The following RERE variants were observed in gnomAD, a reference collection of about 807,000 sequenced individuals.
RERE encodes the protein arginine-glutamic acid dipeptide repeats protein.
Under a neutral mutation model 146.1 loss-of-function variants are expected in RERE, and 40 were observed. That is an observed-to-expected ratio of 0.27 (90% CI 0.21 to 0.36). The LOEUF (loss-of-function observed/expected upper bound fraction) is 0.36, where lower values mean the gene tolerates loss of function less well. RERE is among the 10% of genes least tolerant of loss of function. RERE has a pLI of 1.00. For synonymous variants in RERE, 1,003 were observed against 866.0 expected, an observed-to-expected ratio of 1.16 and a Z score of -2.78; for missense variants, 1,933 against 2,138.7, an observed-to-expected ratio of 0.90 and a Z score of 1.90.
chr1:8,722,294 G>A (rs1033408613), intron 1 of RERE, among the ~76,000 whole-genome samples: 9 of 152,162 alleles, frequency 5.9e-5, no homozygotes, highest in African/African-American at 2.2e-4. Context: ...CAATGTTTCT[G>A]AAACTCAATT....
At position 8,424,949 on chromosome 1, in the gene RERE, G is replaced by A. The variant is rs1643988714; in HGVS notation, c.1204-2142C>T. 4 of 152,360 alleles carry A rather than the reference G, an allele frequency of 2.6e-5. No homozygotes were observed. In the South Asian group the frequency reaches 8.3e-4, roughly 32 times the overall value. 9.4% of individuals were successfully genotyped at this position (152,360 alleles called of 1,614,324 possible). A position where few individuals can be genotyped will look rare whatever the true frequency, so the allele number is the denominator to read the frequency against. ...TGCAGAATGGAGTGCCAGCAGATAA[G>A]ACGAAAGAGGCAGGCAAGGATCCGG... On this transcript the variant is annotated intron_variant, in intron 11 of 22. Transcript: ENST00000400908.
At chr1:8,413,086 T>C (rs895639650) in intron 12 of RERE, among the ~76,000 whole-genome samples, 2 of 152,228 alleles carry the variant, frequency 1.3e-5, no homozygotes, top group African/African-American at 4.8e-5. Flanking sequence ...ATGATTACAA[T>C]GTATTTCGAA....
chr1:8,782,506 A>G (rs1484862159), intron 1 of RERE, among the ~76,000 whole-genome samples: 2 of 152,012 alleles, frequency 1.3e-5, no homozygotes. Context: ...GGTATCTCCA[A>G]CCCAGGTTTC....
At chr1:8,469,191 TAC>T (rs1262216646) in intron 10 of RERE, among the ~76,000 whole-genome samples, 7 of 152,186 alleles carry the variant, frequency 4.6e-5, no homozygotes, top group Admixed American at 4.6e-4. Flanking sequence ...CTTTCCAGAT[TAC>T]AGAGTAGTCT....
At chr1:8,577,147 C>T (rs908977002) in intron 4 of RERE, among the ~76,000 whole-genome samples, 2 of 146,554 alleles carry the variant, frequency 1.4e-5, no homozygotes, top group African/African-American at 5.1e-5. Flanking sequence ...CCAGCCTGGG[C>T]GACAGAGAGA....
intron 4 of RERE, among the ~76,000 whole-genome samples, chr1:8,585,231 A>G (rs772220648): frequency 6.6e-6 from 1 of 152,190 alleles, no homozygotes; most frequent in Non-Finnish European, 1.5e-5. Context: ...TGTCTGAAAG[A>G]AAAGAGATAG....
chr1:8,730,185 G>A (rs1640051746), intron 1 of RERE, among the ~76,000 whole-genome samples: 1 of 152,146 alleles, frequency 6.6e-6, no homozygotes, highest in Non-Finnish European at 1.5e-5. Context: ...CAATACACAA[G>A]ATGAAATATA....
At chr1:8,651,342 C>T (rs923577837) in intron 2 of RERE, among the ~76,000 whole-genome samples, 1 of 151,912 alleles carries the variant, frequency 6.6e-6, no homozygotes, top group African/African-American at 2.4e-5. Context: ...CCCAGGAGTT[C>T]GAGGATGTGG....
chr1:8,570,045 A>G (rs533308307), intron 4 of RERE, among the ~76,000 whole-genome samples: 1 of 152,296 alleles, frequency 6.6e-6, no homozygotes, highest in African/African-American at 2.4e-5. Flanking sequence ...ATTTAAAAAT[A>G]AAAAAATTTC....
At chr1:8,632,113 T>G (rs1324083188) in intron 2 of RERE, among the ~76,000 whole-genome samples, 1 of 152,224 alleles carries the variant, frequency 6.6e-6, no homozygotes, top group Non-Finnish European at 1.5e-5. Context: ...AACTTAATGA[T>G]GAGAACTGAT....
In RERE at chr1:8,358,585, C is replaced by T. The variant is rs536097181; in HGVS notation, c.3950G>A (p.Arg1317Gln). Residue 1317 changes from arginine to glutamine, a missense_variant, in exon 20 of 23, where the codon CGG (arginine) becomes CAG (glutamine). Transcript: ENST00000400908. Reference protein sequence around the residue: ...REIREREIRERELRERMKPGF... With the variant: ...REIREREIREQELRERMKPGF... ...CGGCTTCATCCTCTCCCGCAGCTCC[C>T]GCTCTCGGATCTCCCGCTCTCGGAT... 1.6e-5 allele frequency: 26 copies of T among 1,602,280 alleles called. No homozygotes were observed. Among genetic ancestry groups the T allele is most frequent in the South Asian group, 4.5e-5 (4 of 89,080 alleles).
At chr1:8,390,402 T>C (rs1322432318) in intron 12 of RERE, among the ~76,000 whole-genome samples, 3 of 152,200 alleles carry the variant, frequency 2.0e-5, no homozygotes, top group African/African-American at 7.2e-5. Context: ...AGCTAGCTGC[T>C]CTTTTTGATC....
In RERE at chr1:8,390,983, T is replaced by A. The variant is rs116351015; in HGVS notation, c.1285-25009A>T. On this transcript the variant is annotated intron_variant, in intron 12 of 22. Coordinates refer to ENST00000400908, the MANE Select transcript of RERE (RefSeq NM_001042681.2). ...AAACTTTACTTCTCTCTGCCTCAAC[T>A]GCCACCACCCTCATCCAATCTCGGG... 7.1e-3 allele frequency among the ~76,000 whole-genome samples: 1,076 copies of A among 152,078 alleles called. 13 individuals are homozygous for A. Among genetic ancestry groups the A allele is most frequent in the African/African-American group, 0.025 (1,047 of 41,466 alleles).
intron 7 of RERE, among the ~76,000 whole-genome samples, chr1:8,518,402 T>C (rs985078910): frequency 1.1e-4 from 16 of 152,322 alleles, no homozygotes; most frequent in African/African-American, 3.8e-4. Context: ...GAAATCTCTC[T>C]CCCTGTCCTT....
intron 1 of RERE, among the ~76,000 whole-genome samples, chr1:8,694,470 T>C (rs185262094): frequency 7.5e-4 from 114 of 152,092 alleles, no homozygotes; most frequent in African/African-American, 2.7e-3. Context: ...CTAGAAGAAA[T>C]GACAGGTGGG....
intron 6 of RERE, among the ~76,000 whole-genome samples, chr1:8,549,620 G>A (rs1486297507): frequency 6.6e-6 from 1 of 152,196 alleles, no homozygotes; most frequent in African/African-American, 2.4e-5. Flanking sequence ...AATTTAAGGA[G>A]ATAAATGATT....
At chr1:8,549,204 C>G (rs1442327092) in intron 6 of RERE, among the ~76,000 whole-genome samples, 1 of 151,994 alleles carries the variant, frequency 6.6e-6, no homozygotes, top group African/African-American at 2.4e-5. Flanking sequence ...AAAGGGAACC[C>G]CGGTTCCTCA....
At chr1:8,588,518 G>A (rs1371639609) in intron 4 of RERE, among the ~76,000 whole-genome samples, 4 of 152,216 alleles carry the variant, frequency 2.6e-5, no homozygotes, top group Non-Finnish European at 4.4e-5. Flanking sequence ...TCTATGAGGA[G>A]TGACCCCCTG....
intron 10 of RERE, among the ~76,000 whole-genome samples, chr1:8,466,598 T>C (rs915291483): frequency 1.3e-5 from 2 of 152,214 alleles, no homozygotes; most frequent in African/African-American, 4.8e-5. Context: ...TAGCATTTCT[T>C]AAGTTTTTTG....
Sources: allele counts gnomAD v4.1 joint callset (sites outside exome capture counted in the v4.1 genomes callset), GRCh38; gene constraint gnomAD v4.1.1; transcripts MANE v1.5; gene names NCBI Gene and HGNC (gene_info 2026-07-23, HGNC 2026-07-21).